TPCN1: variants seen among roughly 807,000 people sequenced by gnomAD.
The protein encoded by TPCN1 is two pore channel protein 1.
In TPCN1, 52 loss-of-function variants were observed where a neutral mutation model predicts 108.8. The ratio of observed to expected loss-of-function variants is 0.48; its 90% CI spans 0.38 to 0.60. The LOEUF is 0.60. TPCN1 is among the 20% of genes least tolerant of loss of function. The pLI, the probability that TPCN1 is intolerant of heterozygous loss-of-function variation, is 0.00. For synonymous variants in TPCN1, 446 were observed against 433.7 expected (o/e 1.03, Z -0.35); for missense variants, 806 against 1,072.8 (o/e 0.75, Z 3.47).
intron 2 of TPCN1, among the ~76,000 whole-genome samples, chr12:113,239,671 C>T (rs911812783): frequency 5.9e-5 from 9 of 152,148 alleles, no homozygotes; most frequent in Non-Finnish European, 1.0e-4. Flanking sequence ...CAGGGCATGG[C>T]GTTGCTGCCC....
In TPCN1 at chr12:113,273,411, A is replaced by T. The variant is rs1955570100; in HGVS notation, c.842+121A>T. 1.5e-6 allele frequency: 2 copies of T among 1,326,248 alleles called. No homozygotes were observed. Among genetic ancestry groups the T allele is most frequent in the Admixed American group, 3.4e-5 (2 of 59,024 alleles). The allele number at this position is 1,326,248 out of a possible 1,614,324, so 82.2% of individuals were successfully genotyped here. ...AGGTGCTGTGGTGCTATTGGGAGAC[A>T]GGGTTGGCCCACTGAGCACGGAGCC... On this transcript the variant is annotated intron_variant, in intron 9 of 27. Transcript: ENST00000335509. The surrounding 1 kb of genome is among the most constrained non-coding windows in gnomAD (Gnocchi z 4.0).
rs536419619 is a variant in TPCN1, at chr12:113,240,667, A to T, written c.112+13703A>T. On this transcript the variant is annotated intron_variant, in intron 2 of 27. Coordinates refer to ENST00000335509, the MANE Select transcript of TPCN1 (RefSeq NM_017901.6). Reference sequence around the variant, plus strand: ...TGAAGTGTTGTAGCAGTTGAGGGACAGTAGTTAACTTCCTTGACTACCATT... The same window carrying T: ...TGAAGTGTTGTAGCAGTTGAGGGACTGTAGTTAACTTCCTTGACTACCATT... 6.6e-5 allele frequency among the ~76,000 whole-genome samples: 10 copies of T among 151,972 alleles called. 1 individual carries two copies. Among genetic ancestry groups the T allele is most frequent in the African/African-American group, 2.4e-4 (10 of 41,410 alleles).
At chr12:113,235,975 C>G (rs1006957210) in intron 2 of TPCN1, among the ~76,000 whole-genome samples, 5 of 152,228 alleles carry the variant, frequency 3.3e-5, no homozygotes, top group African/African-American at 7.2e-5. Context: ...GCATCTGAGT[C>G]AGAGGGTTGG....
chr12:113,234,776 T>C (rs1376542871), intron 2 of TPCN1, among the ~76,000 whole-genome samples: 1 of 152,220 alleles, frequency 6.6e-6, no homozygotes, highest in Non-Finnish European at 1.5e-5. Context: ...CTGTGATTTA[T>C]TCTGGCTAAT....
Position 113,277,228 on chromosome 12 carries a change from C to G in TPCN1, c.1060-12C>G, listed in dbSNP as rs774036028. ...TAGCCTGGGTTCCACACTGCTCTTC[C>G]CTCTCCCCCAGAGGCCTGCCGGCAT... is the stretch of plus-strand genomic sequence containing the variant. On this transcript the variant is annotated splice_polypyrimidine_tract_variant and intron_variant, in intron 11 of 27. Coordinates refer to ENST00000335509, the MANE Select transcript of TPCN1 (RefSeq NM_017901.6). The G allele has an allele frequency of 7.4e-6, 12 of 1,612,046 alleles. No homozygotes were observed. Among genetic ancestry groups the G allele is most frequent in the Non-Finnish European group, 9.3e-6 (11 of 1,179,052 alleles).
At chr12:113,271,865 CTG>C (rs1955513182) in intron 7 of TPCN1, among the ~76,000 whole-genome samples, 1 of 152,198 alleles carries the variant, frequency 6.6e-6, no homozygotes, top group Admixed American at 6.5e-5. Context: ...GTGGGGCTGA[CTG>C]TGACAGCCAC....
intron 2 of TPCN1, among the ~76,000 whole-genome samples, chr12:113,253,521 G>A (rs770193420): frequency 2.0e-5 from 3 of 152,158 alleles, no homozygotes; most frequent in Non-Finnish European, 4.4e-5. Flanking sequence ...TTTTGAGATG[G>A]CTCCTTGATG....
intron 24 of TPCN1, 73 bp from the exon 25 acceptor site, chr12:113,291,801 T>C (rs1956278074): frequency 3.2e-6 from 5 of 1,566,188 alleles, no homozygotes; most frequent in Non-Finnish European, 4.4e-6. Context: ...CTGTTGGGCG[T>C]GGGCTGCGCA....
At chr12:113,237,699 A>G (rs61943591) in intron 2 of TPCN1, among the ~76,000 whole-genome samples, 4,129 of 152,292 alleles carry the variant, frequency 0.027, 93 homozygotes, top group Non-Finnish European at 0.033. Flanking sequence ...GCATCTGGAC[A>G]ATGCTGAACA....
chr12:113,240,384 C>T (rs116365461), intron 2 of TPCN1, among the ~76,000 whole-genome samples: 5,038 of 152,128 alleles, frequency 0.033, 267 homozygotes, highest in African/African-American at 0.11. Context: ...CTGAGTGTCG[C>T]GCAGTCTGCA....
In TPCN1 at chr12:113,269,949, C is replaced by A; in HGVS notation, c.748+104C>A. Reference sequence around the variant, plus strand: ...CAGTGGCTCACGCCTGTAATCCTAGCATTTTGGGAGGCCAAGGTGGGTGGG... The same window carrying A: ...CAGTGGCTCACGCCTGTAATCCTAGAATTTTGGGAGGCCAAGGTGGGTGGG... On this transcript the variant is annotated intron_variant, in intron 7 of 27. Coordinates refer to ENST00000335509, the MANE Select transcript of TPCN1 (RefSeq NM_017901.6). This position sits in a 1 kb window ranked among gnomAD's most constrained non-coding sequence, Gnocchi z 5.0. 1 of 1,314,398 alleles carries A rather than the reference C, an allele frequency of 7.6e-7. No homozygotes were observed. Among genetic ancestry groups the A allele is most frequent in the Non-Finnish European group, 1.1e-6 (1 of 931,764 alleles). 81.4% of individuals were successfully genotyped at this position (1,314,398 alleles called of 1,614,324 possible).
At position 113,232,963 on chromosome 12, in the gene TPCN1, G is replaced by A. The variant is rs1953744020; in HGVS notation, c.112+5999G>A. Among the ~76,000 whole-genome samples, 1 of 152,230 alleles carries A rather than the reference G, an allele frequency of 6.6e-6. No individual in the cohort carries two copies. The highest frequency in any genetic ancestry group is 6.5e-5 in the Admixed American group (1 of 15,290). On this transcript the variant is annotated intron_variant, in intron 2 of 27. Transcript: ENST00000335509. The surrounding 1 kb of genome is among the most constrained non-coding windows in gnomAD (Gnocchi z 5.6). The stretch of plus-strand genomic sequence containing the variant: ...ATTTTCACAGGCTCCCACCGAGCTT[G>A]GGCATTTGGCTCCGCTGGAGTCATT...
At chr12:113,267,277 G>A (rs147591332) in intron 4 of TPCN1, among the ~76,000 whole-genome samples, 2 of 152,176 alleles carry the variant, frequency 1.3e-5, no homozygotes, top group East Asian at 3.9e-4. Context: ...TTTGACAATC[G>A]GATTTTATTT....
At chr12:113,292,127 TTCAAATATTTAATG>T (rs1956289105) in intron 25 of TPCN1, 169 bp downstream of exon 25, 2 of 619,516 alleles carry the variant, frequency 3.2e-6, no homozygotes, top group Admixed American at 5.8e-5. Flanking sequence ...TGCATTGATT[TTCAAATATTTAATG>T]TCAGAAAACG....
At position 113,273,458 on chromosome 12, in the gene TPCN1, C is replaced by T. The variant is rs186874019; in HGVS notation, c.843-111C>T. On this transcript the variant is annotated intron_variant, in intron 9 of 27. Coordinates refer to ENST00000335509, the MANE Select transcript of TPCN1 (RefSeq NM_017901.6). This position sits in a 1 kb window ranked among gnomAD's most constrained non-coding sequence, Gnocchi z 4.0. ...AGCCCAGGGATGAGAGTAGGGGAACCAGGGTTGGAGGCTGGGAAGGCAGAC... is the reference window on the plus strand; with the variant it reads ...AGCCCAGGGATGAGAGTAGGGGAACTAGGGTTGGAGGCTGGGAAGGCAGAC... 1,722 of 1,258,162 alleles carry T rather than the reference C, an allele frequency of 1.4e-3. 13 individuals are homozygous for T. The African/African-American group carries it at 0.019, about 14-fold the overall frequency. 77.9% of individuals were successfully genotyped at this position (1,258,162 alleles called of 1,614,324 possible). A position where few individuals can be genotyped will look rare whatever the true frequency, so the allele number is the denominator to read the frequency against.
At chr12:113,285,117 G>A (rs892951023) in intron 17 of TPCN1, among the ~76,000 whole-genome samples, 3 of 152,206 alleles carry the variant, frequency 2.0e-5, no homozygotes, top group Non-Finnish European at 4.4e-5. Context: ...CCTCTGCCTG[G>A]TGGTGTCTTC....
At chr12:113,271,870 A>G (rs1955513441) in intron 7 of TPCN1, among the ~76,000 whole-genome samples, 2 of 152,166 alleles carry the variant, frequency 1.3e-5, no homozygotes, top group Non-Finnish European at 2.9e-5. Context: ...GCTGACTGTG[A>G]CAGCCACACA....
In TPCN1 at chr12:113,296,069, T is replaced by C; in HGVS notation, c.2444T>C (p.Val815Ala). 1 of 1,612,868 alleles carries C rather than the reference T, an allele frequency of 6.2e-7. No homozygotes were observed. ...PPGSRQRSQT[V>A]T ...GGCAGCCGCCAGCGCTCCCAGACCG[T>C]TACCTAGCCCAGCGCCCGAAAGCCG... The change falls in exon 28 of 28, where the codon GTT (valine) becomes GCT (alanine). Residue 815 changes from valine (V) to alanine (A), a missense_variant. Physicochemically the swap from Val to Ala is moderately conservative, Grantham distance 64. Transcript: ENST00000335509.
At chr12:113,241,761 C>CGTGT (rs67580212) in intron 2 of TPCN1, among the ~76,000 whole-genome samples, 9,659 of 144,358 alleles carry the variant, frequency 0.067, 478 homozygotes, top group African/African-American at 0.15. Context: ...CGTGCCTCTG[C>CGTGT]GTGTGTGTGT....
Sources: gnomAD v4.1 joint callset for allele counts (sites outside exome capture counted in the v4.1 genomes callset) on GRCh38, gnomAD v4.1.1 for gene constraint, Gnocchi (gnomAD v3.1) non-coding constraint, MANE v1.5 for transcripts, NCBI Gene and HGNC (gene_info 2026-07-23, HGNC 2026-07-21) for gene names.